The following CLIC5 variants were observed in gnomAD, a reference collection of about 807,000 sequenced individuals.
CLIC5 encodes the protein chloride intracellular channel protein 5.
In CLIC5, 20 loss-of-function variants were observed where a neutral mutation model predicts 24.7. That is an observed-to-expected ratio of 0.81 (90% CI 0.57 to 1.18). CLIC5 has a LOEUF of 1.18. Among genes scored for constraint, CLIC5 ranks in the 50% most tolerant of loss-of-function variants. The probability of loss-of-function intolerance (pLI) is 0.00; values close to 1 mark genes in which losing one functional copy is unlikely to be tolerated. For synonymous variants in CLIC5, 159 were observed against 135.6 expected (o/e 1.17, Z -1.20); for missense variants, 341 against 326.1 (o/e 1.05, Z -0.35).
At chr6:46,096,751 C>T in the CLIC5 span, among the ~76,000 whole-genome samples, 1 of 152,040 alleles carries the variant, frequency 6.6e-6, no homozygotes, top group Non-Finnish European at 1.5e-5. Context: ...ATTACTGATA[C>T]ACAACAACAA....
intron 1 of CLIC5, among the ~76,000 whole-genome samples, chr6:46,044,112 C>T (rs145051495): frequency 2.4e-4 from 37 of 152,282 alleles, no homozygotes; most frequent in African/African-American, 8.4e-4. Flanking sequence ...GCCATTAGCA[C>T]AGTAGTCACC....
intron 4 of CLIC5, among the ~76,000 whole-genome samples, chr6:45,924,327 C>T (rs565271358): frequency 8.5e-5 from 13 of 152,184 alleles, no homozygotes; most frequent in Middle Eastern, 6.8e-3. Flanking sequence ...TTGGGGGTGA[C>T]TGATACTTAC....
chr6:45,884,816 A>G (rs1201351707), intron 6 of CLIC5, among the ~76,000 whole-genome samples: 1 of 152,014 alleles, frequency 6.6e-6, no homozygotes, highest in East Asian at 1.9e-4. Flanking sequence ...AAGGCTAAAC[A>G]ATGACAACAA....
chr6:46,082,438 T>G (rs1334263092), upstream of CLIC5, among the ~76,000 whole-genome samples: 1 of 152,154 alleles, frequency 6.6e-6, no homozygotes, highest in African/African-American at 2.4e-5. Context: ...CTACAATGGC[T>G]CCCCATTTAT....
In CLIC5 at chr6:45,928,795, T is replaced by TGTGTGTGTGTGTGTGTGTGTGG. The variant is rs200432038; in HGVS notation, c.406+12751_406+12752insCCACACACACACACACACACAC. Among the ~76,000 whole-genome samples the TGTGTGTGTGTGTGTGTGTGTGG allele has an allele frequency of 5.3e-4, 79 of 148,366 alleles. 1 individual carries two copies. Among genetic ancestry groups the TGTGTGTGTGTGTGTGTGTGTGG allele is most frequent in the African/African-American group, 2.0e-3 (78 of 39,696 alleles). ...GTGTGTGTGTGTGTGTGTGTGTGTG[T>TGTGTGTGTGTGTGTGTGTGTGG]AGAGAGAGAGAGATTGAGAAACGTA... On this transcript the variant is annotated intron_variant, in intron 4 of 5. Transcript: ENST00000339561.
chr6:46,074,356 A>C, intron 1 of CLIC5, among the ~76,000 whole-genome samples: 1 of 152,192 alleles, frequency 6.6e-6, no homozygotes, highest in East Asian at 1.9e-4. Context: ...TAACCACATC[A>C]GGCACCTCTG....
At chr6:46,094,352 T>C in the CLIC5 span, among the ~76,000 whole-genome samples, 1 of 152,088 alleles carries the variant, frequency 6.6e-6, no homozygotes, top group African/African-American at 2.4e-5. Context: ...CAGCACTAAC[T>C]CAAAAGCCCA....
chr6:46,031,360 T>G (rs1767493146), intron 1 of CLIC5, among the ~76,000 whole-genome samples: 1 of 152,162 alleles, frequency 6.6e-6, no homozygotes, highest in Non-Finnish European at 1.5e-5. Context: ...GAGCCTTGAC[T>G]CTCAGTAAAA....
At chr6:45,940,137 A>T (rs1026204550) in intron 4 of CLIC5, among the ~76,000 whole-genome samples, 2 of 152,150 alleles carry the variant, frequency 1.3e-5, no homozygotes, top group Admixed American at 6.5e-5. Context: ...TCTTCTGCTC[A>T]ATGATCTCAG....
the CLIC5 span, among the ~76,000 whole-genome samples, chr6:46,095,880 T>C: frequency 6.7e-6 from 1 of 148,244 alleles, no homozygotes; most frequent in Non-Finnish European, 1.5e-5. Context: ...GCTGCTTCCA[T>C]ATTTTCAGAT....
intron 1 of CLIC5, among the ~76,000 whole-genome samples, chr6:45,962,339 C>G (rs1485921510): frequency 6.6e-6 from 1 of 151,874 alleles, no homozygotes; most frequent in East Asian, 1.9e-4. Context: ...GGAAGAGCCG[C>G]AGTTCGAGTC....
intron 6 of CLIC5, among the ~76,000 whole-genome samples, chr6:45,881,411 T>G (rs935357014): frequency 6.6e-6 from 1 of 152,084 alleles, no homozygotes; most frequent in African/African-American, 2.4e-5. Context: ...TGCCTCCTTC[T>G]TAAAAATTGC....
At chr6:46,073,413 T>C (rs1762675284) in intron 1 of CLIC5, among the ~76,000 whole-genome samples, 1 of 152,212 alleles carries the variant, frequency 6.6e-6, no homozygotes, top group Non-Finnish European at 1.5e-5. Context: ...TTGGTTTATA[T>C]GAAGCCACAG....
intron 2 of CLIC5, among the ~76,000 whole-genome samples, chr6:45,952,346 G>A (rs1471447144): frequency 6.6e-6 from 1 of 152,142 alleles, no homozygotes; most frequent in African/African-American, 2.4e-5. Context: ...AATGAGGATC[G>A]GTCTTCTTTT....
At chr6:45,890,315 G>T (rs916228388) in intron 6 of CLIC5, among the ~76,000 whole-genome samples, 5 of 151,918 alleles carry the variant, frequency 3.3e-5, no homozygotes, top group African/African-American at 4.8e-5. Context: ...TGAAAAAAAT[G>T]CTCAACATCT....
chr6:46,027,989 A>C (rs1339045792), intron 1 of CLIC5, among the ~76,000 whole-genome samples: 1 of 152,238 alleles, frequency 6.6e-6, no homozygotes, highest in Admixed American at 6.5e-5. Flanking sequence ...CTCTGATAAA[A>C]TTAAGTCCCA....
intron 1 of CLIC5, among the ~76,000 whole-genome samples, chr6:45,993,416 C>T (rs370388431): frequency 3.3e-4 from 50 of 152,266 alleles, no homozygotes; most frequent in African/African-American, 9.9e-4. Flanking sequence ...ATTTGCACCT[C>T]GAAATGCTTA....
chr6:45,942,778 T>C (rs1764176637), intron 3 of CLIC5, among the ~76,000 whole-genome samples: 1 of 152,234 alleles, frequency 6.6e-6, no homozygotes, highest in African/African-American at 2.4e-5. Context: ...TTTGGGGCCA[T>C]GTTAGGTGGC....
the CLIC5 span, among the ~76,000 whole-genome samples, chr6:46,086,082 T>C: frequency 2.0e-5 from 3 of 152,242 alleles, no homozygotes; most frequent in African/African-American, 7.2e-5. Flanking sequence ...TGCGCCGTTT[T>C]TTAAGCCCGT....
Sources: gnomAD v4.1 joint callset for allele counts (sites outside exome capture counted in the v4.1 genomes callset) on GRCh38, gnomAD v4.1.1 for gene constraint, MANE v1.5 for transcripts, NCBI Gene and HGNC (gene_info 2026-07-23, HGNC 2026-07-21) for gene names.